The following CPED1 variants were observed in gnomAD, a reference collection of about 807,000 sequenced individuals.
The protein encoded by CPED1 is cadherin like and PC-esterase domain containing 1.
CPED1 carries 114 observed loss-of-function variants against 128.2 expected under a neutral mutation model. The ratio of observed to expected loss-of-function variants is 0.89; its 90% CI spans 0.76 to 1.04. The LOEUF is 1.04. Ranked by LOEUF, CPED1 falls within the 50% of genes least tolerant of loss-of-function variation. The pLI, the probability that CPED1 is intolerant of heterozygous loss-of-function variation, is 0.00. For missense variants in CPED1, 1,211 were observed against 1,207.1 expected (o/e 1.00, Z -0.05); for synonymous variants, 462 against 426.7 (o/e 1.08, Z -1.02).
chr7:121,039,816 C>T (rs111897634), intron 3 of CPED1, among the ~76,000 whole-genome samples: 1,641 of 152,132 alleles, frequency 0.011, 37 homozygotes, highest in African/African-American at 0.038. Context: ...AAAGTAAACT[C>T]ATTGATTTCC....
At chr7:121,151,845 GC>G (rs1214208943) in intron 16 of CPED1, among the ~76,000 whole-genome samples, 5 of 147,324 alleles carry the variant, frequency 3.4e-5, no homozygotes, top group Non-Finnish European at 7.5e-5. Context: ...ATTAGGTAAT[GC>G]TGAGAAAATT....
At chr7:121,152,782 CTTAAAT>C (rs1441663665) in intron 16 of CPED1, among the ~76,000 whole-genome samples, 1 of 152,040 alleles carries the variant, frequency 6.6e-6, no homozygotes, top group Non-Finnish European at 1.5e-5. Context: ...TTTCAAATTT[CTTAAAT>C]TTAAGTTTAG....
At chr7:121,148,789 A>G (rs1302648939) in intron 16 of CPED1, among the ~76,000 whole-genome samples, 1 of 152,216 alleles carries the variant, frequency 6.6e-6, no homozygotes, top group Non-Finnish European at 1.5e-5. Flanking sequence ...CAACAAATAA[A>G]TAAATATTAC....
At chr7:121,074,328 G>A (rs1164615254) in intron 5 of CPED1, among the ~76,000 whole-genome samples, 1 of 152,052 alleles carries the variant, frequency 6.6e-6, no homozygotes, top group African/African-American at 2.4e-5. Context: ...TTGTTGTATA[G>A]CCAAAAGACT....
intron 22 of CPED1, among the ~76,000 whole-genome samples, chr7:121,276,688 C>A (rs1325249241): frequency 6.6e-6 from 1 of 152,102 alleles, no homozygotes; most frequent in East Asian, 1.9e-4. Context: ...AGGACTTAAT[C>A]AAGGTAATAA....
chr7:121,014,867 C>T (rs1033187067), intron 2 of CPED1, among the ~76,000 whole-genome samples: 7 of 152,150 alleles, frequency 4.6e-5, no homozygotes, highest in African/African-American at 1.7e-4. Context: ...TAATAAAAAT[C>T]ATCTGTACTT....
chr7:121,105,331 A>G (rs1161772677), intron 7 of CPED1, among the ~76,000 whole-genome samples: 1 of 152,134 alleles, frequency 6.6e-6, no homozygotes, highest in African/African-American at 2.4e-5. Flanking sequence ...CCCAAGGTAA[A>G]AATGAGTAAT....
chr7:121,288,680 C>G (rs1306741866), intron 22 of CPED1, among the ~76,000 whole-genome samples: 2 of 152,142 alleles, frequency 1.3e-5, no homozygotes, highest in Admixed American at 6.6e-5. Context: ...AAATTCAACC[C>G]TAAAATCACA....
chr7:121,067,003 A>C (rs967676255), intron 5 of CPED1, among the ~76,000 whole-genome samples: 2 of 152,130 alleles, frequency 1.3e-5, no homozygotes, highest in African/African-American at 4.8e-5. Flanking sequence ...CAAATACGAC[A>C]TCATTTTATA....
intron 5 of CPED1, among the ~76,000 whole-genome samples, chr7:121,077,711 G>A (rs114903800): frequency 0.079 from 11,836 of 150,626 alleles, 723 homozygotes; most frequent in African/African-American, 0.17. Flanking sequence ...TATACAATAT[G>A]TATTTAAAAT....
At chr7:121,010,494 C>T (rs1234456713) in intron 2 of CPED1, among the ~76,000 whole-genome samples, 1 of 152,206 alleles carries the variant, frequency 6.6e-6, no homozygotes, top group Non-Finnish European at 1.5e-5. Context: ...AGTGATCCTC[C>T]TATTTTAGCT....
intron 16 of CPED1, among the ~76,000 whole-genome samples, chr7:121,173,032 C>T (rs542196103): frequency 3.3e-5 from 5 of 152,244 alleles, no homozygotes; most frequent in African/African-American, 1.2e-4. Flanking sequence ...AAGTCAACAT[C>T]CTTAAAGGCA....
rs990569196 is a variant in CPED1, at chr7:121,161,810, C to T, written c.2055+19669C>T. 3.9e-5 allele frequency among the ~76,000 whole-genome samples: 6 copies of T among 152,154 alleles called. No individual in the cohort carries two copies. In the East Asian group the frequency reaches 5.8e-4, roughly 15 times the overall value. Reference sequence around the variant, plus strand: ...GTGTAATGATACAGGACTTTAGTATCGTGAAGGGAACCAGATCCATTAAGA... The same window carrying T: ...GTGTAATGATACAGGACTTTAGTATTGTGAAGGGAACCAGATCCATTAAGA... On this transcript the variant is annotated intron_variant, in intron 16 of 22. Coordinates refer to ENST00000310396, the MANE Select transcript of CPED1 (RefSeq NM_024913.5).
At chr7:121,230,630 A>G (rs532819520) in intron 16 of CPED1, among the ~76,000 whole-genome samples, 71 of 152,150 alleles carry the variant, frequency 4.7e-4, no homozygotes, top group African/African-American at 1.6e-3. Flanking sequence ...CCTTTCTTCC[A>G]TAATTTAAGA....
chr7:121,124,244 G>A, intron 7 of CPED1, 87 bp from the exon 8 acceptor site: 2 of 1,303,178 alleles, frequency 1.5e-6, no homozygotes, highest in Admixed American at 4.4e-5. Flanking sequence ...AGATAACCTA[G>A]AACAATCCTT....
chr7:121,118,124 A>C (rs779077925), intron 7 of CPED1, among the ~76,000 whole-genome samples: 1 of 152,188 alleles, frequency 6.6e-6, no homozygotes, highest in Non-Finnish European at 1.5e-5. Context: ...CCATGTTGCT[A>C]TAACTAAACC....
intron 16 of CPED1, among the ~76,000 whole-genome samples, chr7:121,175,048 A>G (rs1758418768): frequency 6.6e-6 from 1 of 152,070 alleles, no homozygotes; most frequent in African/African-American, 2.4e-5. Flanking sequence ...GAGAAATGCT[A>G]GTGATTCTTG....
intron 18 of CPED1, among the ~76,000 whole-genome samples, chr7:121,262,966 T>C (rs1357432845): frequency 2.0e-5 from 3 of 152,114 alleles, no homozygotes; most frequent in Non-Finnish European, 2.9e-5. Context: ...TGAATTTTCA[T>C]TATAGTTATA....
rs1792202843 is a variant in CPED1 at position 121,270,036 on chromosome 7, TA to T, written c.2722-1245del. Among the ~76,000 whole-genome samples the T allele has an allele frequency of 3.3e-5, 5 of 152,052 alleles. No individual in the cohort carries two copies. The South Asian group carries it at 1.0e-3, about 32-fold the overall frequency. ...AGAGGCGGGAGGTGCCAGACTCTTTTAAACAACCAGATCTTGTGTGAACTCA... is the reference window on the plus strand; with the variant it reads ...AGAGGCGGGAGGTGCCAGACTCTTTTAACAACCAGATCTTGTGTGAACTCA... On this transcript the variant is annotated intron_variant, in intron 21 of 22. Transcript: ENST00000310396.
Sources: gnomAD v4.1 joint callset for allele counts (sites outside exome capture counted in the v4.1 genomes callset) on GRCh38, gnomAD v4.1.1 for gene constraint, MANE v1.5 for transcripts, NCBI Gene and HGNC (gene_info 2026-07-23, HGNC 2026-07-21) for gene names.